The following RTTN variants were observed in gnomAD, a reference collection of about 807,000 sequenced individuals.
The protein encoded by RTTN is rotatin.
Under a neutral mutation model 269.2 loss-of-function variants are expected in RTTN, and 182 were observed. The observed-to-expected ratio is 0.68, with a 90% CI of 0.60 to 0.76. The LOEUF is 0.76. RTTN is among the 30% of genes least tolerant of loss of function. The probability of loss-of-function intolerance (pLI) is 0.00; values close to 1 mark genes in which losing one functional copy is unlikely to be tolerated. For missense variants in RTTN, 2,545 were observed against 2,608.6 expected (o/e 0.98, Z 0.53); for synonymous variants, 1,006 against 963.5 (o/e 1.04, Z -0.82).
chr18:70,169,466 C>T (rs2061080764), intron 11 of RTTN, among the ~76,000 whole-genome samples: 1 of 152,110 alleles, frequency 6.6e-6, no homozygotes, highest in East Asian at 1.9e-4. Context: ...AAACTGAAGA[C>T]AAGAACACTT....
At chr18:70,164,062 G>C (rs2060920149) in intron 14 of RTTN, among the ~76,000 whole-genome samples, 1 of 152,126 alleles carries the variant, frequency 6.6e-6, no homozygotes, top group Non-Finnish European at 1.5e-5. Flanking sequence ...CAGGGGCTGG[G>C]AGAAGGGGAG....
rs2146194665 is a variant in RTTN at position 70,203,073 on chromosome 18, G to C, written c.397+1013C>G. On this transcript the variant is annotated intron_variant, in intron 3 of 48. Coordinates refer to ENST00000640769, the MANE Select transcript of RTTN (RefSeq NM_173630.4). ...TTCCATGTGCAAGGCACTATACTAG[G>C]CATTAACAACAACACAACAGCAGCA... Among the ~76,000 whole-genome samples the C allele has an allele frequency of 1.3e-5, 2 of 152,058 alleles. 1 individual carries two copies. The highest frequency in any genetic ancestry group is 4.1e-4 in the South Asian group (2 of 4,830).
Position 70,193,278 on chromosome 18 carries a change from T to C in RTTN, c.1007+10A>G. The C allele has an allele frequency of 6.2e-7, 1 of 1,606,852 alleles. No individual in the cohort carries two copies. The highest frequency in any genetic ancestry group is 8.5e-7 in the Non-Finnish European group (1 of 1,176,458). ...TTTCTCATTTCCCCAGAGACACTGC[T>C]AGCAGTCACCTAGAGGACGCTGCAT... On this transcript the variant is annotated intron_variant, in intron 8 of 48. Transcript: ENST00000640769.
intron 14 of RTTN, among the ~76,000 whole-genome samples, chr18:70,155,966 C>T (rs977051005): frequency 2.0e-5 from 3 of 152,060 alleles, no homozygotes; most frequent in Non-Finnish European, 4.4e-5. Context: ...CCTGTCATCT[C>T]GTAAGCTGAG....
intron 18 of RTTN, among the ~76,000 whole-genome samples, chr18:70,144,425 C>T (rs1202454493): frequency 6.6e-6 from 1 of 152,170 alleles, no homozygotes; most frequent in East Asian, 1.9e-4. Flanking sequence ...CCCTTCAAAG[C>T]TACCCCCCAG....
At chr18:70,141,799 A>C (rs1372878862) in intron 19 of RTTN, among the ~76,000 whole-genome samples, 1 of 152,170 alleles carries the variant, frequency 6.6e-6, no homozygotes, top group African/African-American at 2.4e-5. Flanking sequence ...CGTTTAAAGA[A>C]AAGGCATAGC....
chr18:70,048,784 CTT>C (rs2057567648), intron 39 of RTTN, among the ~76,000 whole-genome samples: 2 of 151,952 alleles, frequency 1.3e-5, no homozygotes, highest in Non-Finnish European at 2.9e-5. Flanking sequence ...AGAAAAGACT[CTT>C]ATAGATAACA....
rs2057540227 is a variant in RTTN at position 70,047,984 on chromosome 18, T to A, written c.5528A>T (p.Asp1843Val). 2 of 1,613,482 alleles carry A rather than the reference T, an allele frequency of 1.2e-6. No individual in the cohort carries two copies. The highest frequency in any genetic ancestry group is 1.3e-5 in the African/African-American group (1 of 74,916). Residue 1843 changes from aspartate (D) to valine (V), a missense_variant, in exon 40 of 49, where the codon GAT becomes GTT. Asp to Val is a radical substitution (Grantham distance 152). Transcript: ENST00000640769. ...GAAATGACGTACCTGAAGGATTACA[T>A]CACTAAGTTGTTCTAGAGATTTCTG... is the stretch of plus-strand genomic sequence containing the variant. The part of the protein sequence containing the change: ...ENQKSLEQLS[D>V]VILQCYEGKS...
In RTTN at chr18:70,176,728, T is replaced by A. The variant is rs368044623; in HGVS notation, c.1423A>T (p.Ser475Cys). ...AGTCGAACTGCAAACAGGGAAATGCTGATAAAGGCCATTCTGTGGTGCACA... is the reference window on the plus strand; with the variant it reads ...AGTCGAACTGCAAACAGGGAAATGCAGATAAAGGCCATTCTGTGGTGCACA... ...MLVHHRMAFI[S>C]ISLFAVRLLQ... Residue 475 changes from serine to cysteine, a missense_variant, in exon 11 of 49, where the codon AGC becomes TGC. Transcript: ENST00000640769. The A allele has an allele frequency of 3.7e-6, 6 of 1,613,958 alleles. No individual in the cohort carries two copies. The highest frequency in any genetic ancestry group is 1.1e-5 in the South Asian group (1 of 91,046).
intron 34 of RTTN, among the ~76,000 whole-genome samples, chr18:70,068,738 T>C (rs11664201): frequency 0.75 from 113,525 of 152,204 alleles, 49,478 homozygotes; most frequent in East Asian, 1. Flanking sequence ...TTCTTGTATC[T>C]ATCACTTGCT....
At position 70,166,148 on chromosome 18, in the gene RTTN, T is replaced by C. The variant is rs374812367; in HGVS notation, c.1843A>G (p.Ser615Gly). 14 of 1,613,534 alleles carry C rather than the reference T, an allele frequency of 8.7e-6. No homozygotes were observed. In the African/African-American group the frequency reaches 1.7e-4, roughly 20 times the overall value. Residue 615 changes from serine to glycine, a missense_variant, in exon 14 of 49, where the codon AGT becomes GGT. Ser to Gly is a moderately conservative substitution (Grantham distance 56, BLOSUM62 0). Coordinates refer to ENST00000640769, the MANE Select transcript of RTTN (RefSeq NM_173630.4). Reference sequence around the variant, plus strand: ...AACATATGGAGAAGCACCTTCTGACTTTCTCCTTGTAGTAATGGACTGGCC... The same window carrying C: ...AACATATGGAGAAGCACCTTCTGACCTTCTCCTTGTAGTAATGGACTGGCC... ...AQASPLLQGE[S>G]QKVLLHMLSH...
intron 47 of RTTN, 161 bp downstream of exon 47, chr18:70,006,220 T>G: frequency 1.8e-6 from 1 of 540,746 alleles, no homozygotes; most frequent in Non-Finnish European, 3.4e-6. Flanking sequence ...CAACTGATGG[T>G]TTACTAATTG....
Position 70,092,703 on chromosome 18 carries a change from A to G in RTTN, c.4005T>C (p.His1335=), listed in dbSNP as rs2058883474. 3 of 1,596,646 alleles carry G rather than the reference A, an allele frequency of 1.9e-6. No individual in the cohort carries two copies. The highest frequency in any genetic ancestry group is 2.6e-6 in the Non-Finnish European group (3 of 1,164,682). Residue 1335 remains histidine (H), a synonymous_variant, in exon 29 of 49, where the codon CAT becomes CAC. Transcript: ENST00000640769. ...STILCLLHLS[H]EMMAQAGSLE... ...AGCTCCCAGCCTGGGCCATCATCTC[A>G]TGGGATAAGTGAAGCAAGCAAAGAA...
chr18:70,139,737 C>T lies in RTTN; in HGVS notation c.2671-21G>A, dbSNP rs577244414. ...ACAACCTGGGCCAGGAGGAAAAACACAGCTTTTCATTTTCACCAATTATCA... is the reference window on the plus strand; with the variant it reads ...ACAACCTGGGCCAGGAGGAAAAACATAGCTTTTCATTTTCACCAATTATCA... On this transcript the variant is annotated intron_variant, in intron 20 of 48. Coordinates refer to ENST00000640769, the MANE Select transcript of RTTN (RefSeq NM_173630.4). 2.8e-5 allele frequency: 40 copies of T among 1,434,166 alleles called. No homozygotes were observed. The South Asian group carries it at 4.6e-4, about 17-fold the overall frequency. The allele number at this position is 1,434,166 out of a possible 1,614,324, so 88.8% of individuals were successfully genotyped here.
At chr18:70,089,043 T>C (rs1426782525) in intron 30 of RTTN, among the ~76,000 whole-genome samples, 1 of 152,182 alleles carries the variant, frequency 6.6e-6, no homozygotes, top group Non-Finnish European at 1.5e-5. Flanking sequence ...CTCCAATAAT[T>C]TTCCACTCTT....
At chr18:70,011,790 A>C (rs992564228) in intron 46 of RTTN, among the ~76,000 whole-genome samples, 20 of 152,232 alleles carry the variant, frequency 1.3e-4, no homozygotes, top group African/African-American at 4.8e-4. Context: ...AAAAGGTTCA[A>C]GGCAGGGTCT....
At chr18:70,131,407 A>C (rs2059995713) in intron 23 of RTTN, 1 of 151,698 alleles carries the variant, frequency 6.6e-6, no homozygotes, top group Non-Finnish European at 1.5e-5. Context: ...AGAGCAAATA[A>C]ATGGAATTAA....
intron 14 of RTTN, among the ~76,000 whole-genome samples, chr18:70,165,095 C>T (rs968092710): frequency 2.6e-5 from 4 of 152,034 alleles, no homozygotes; most frequent in African/African-American, 7.2e-5. Context: ...CATTTTCAAA[C>T]GTATGCACAC....
chr18:70,137,253 T>C (rs554245329), intron 21 of RTTN, among the ~76,000 whole-genome samples: 9 of 152,312 alleles, frequency 5.9e-5, no homozygotes, highest in East Asian at 5.8e-4. Flanking sequence ...AATAACCCAA[T>C]AACCATTTTT....
Sources: gnomAD v4.1 joint callset for allele counts (sites outside exome capture counted in the v4.1 genomes callset) on GRCh38, gnomAD v4.1.1 for gene constraint, MANE v1.5 for transcripts, NCBI Gene and HGNC (gene_info 2026-07-23, HGNC 2026-07-21) for gene names.